The following RASA3 variants were observed in gnomAD, a reference collection of about 807,000 sequenced individuals.
The protein encoded by RASA3 is RAS p21 protein activator 3.
In RASA3, 73 loss-of-function variants were observed where a neutral mutation model predicts 110.0. The ratio of observed to expected loss-of-function variants is 0.66; its 90% CI spans 0.55 to 0.81. The LOEUF (loss-of-function observed/expected upper bound fraction) is 0.81, where lower values mean the gene tolerates loss of function less well. RASA3 is among the 30% of genes least tolerant of loss of function. The pLI is 0.00. For synonymous variants in RASA3, 500 were observed against 451.4 expected (o/e 1.11, Z -1.37); for missense variants, 976 against 1,113.2 (o/e 0.88, Z 1.75).
At chr13:114,132,396 G>C in intron 1 of RASA3, 39 bp downstream of exon 1, 1 of 1,486,260 alleles carries the variant, frequency 6.7e-7, no homozygotes, top group East Asian at 2.9e-5. Flanking sequence ...ACAGGGTCGG[G>C]CCGGGGGGTC....
chr13:114,078,475 C>T (rs2079729049), intron 1 of RASA3, among the ~76,000 whole-genome samples: 1 of 152,220 alleles, frequency 6.6e-6, no homozygotes, highest in Non-Finnish European at 1.5e-5. Context: ...AAATAAGTAA[C>T]AGTTCTCATG....
At chr13:114,003,020 GA>G (rs988385619) in intron 18 of RASA3, among the ~76,000 whole-genome samples, 1 of 152,224 alleles carries the variant, frequency 6.6e-6, no homozygotes, top group Admixed American at 6.5e-5. Flanking sequence ...GAGCCCTCAG[GA>G]AACATGGTCA....
chr13:114,058,633 C>T (rs534926676), intron 2 of RASA3, among the ~76,000 whole-genome samples: 63 of 152,370 alleles, frequency 4.1e-4, no homozygotes, highest in Non-Finnish European at 8.7e-4. Flanking sequence ...AGCAACCATG[C>T]CCGTCCTCGC....
chr13:114,023,520 C>A (rs1287477726), intron 8 of RASA3, among the ~76,000 whole-genome samples: 2 of 152,226 alleles, frequency 1.3e-5, no homozygotes, highest in East Asian at 1.9e-4. Context: ...AGGCTACGTT[C>A]AAAAATAAAC....
intron 14 of RASA3, among the ~76,000 whole-genome samples, chr13:114,013,802 ATC>A (rs1294583069): frequency 7.8e-5 from 3 of 38,280 alleles, no homozygotes; most frequent in East Asian, 7.4e-4. Flanking sequence ...CCCTAACTCC[ATC>A]TCTCTCTCCC....
At chr13:114,123,806 G>A (rs1043980377) in intron 1 of RASA3, among the ~76,000 whole-genome samples, 9 of 152,320 alleles carry the variant, frequency 5.9e-5, no homozygotes, top group East Asian at 1.9e-4. Flanking sequence ...CTGTCTGGTC[G>A]GTGGTCAGAA....
chr13:114,070,438 G>C (rs569793368), intron 2 of RASA3, among the ~76,000 whole-genome samples: 2 of 152,110 alleles, frequency 1.3e-5, no homozygotes, highest in Admixed American at 1.3e-4. Flanking sequence ...CAGATGTAGC[G>C]TGGATTCCAG....
chr13:114,123,747 C>T (rs2139795484), intron 1 of RASA3, among the ~76,000 whole-genome samples: 1 of 152,300 alleles, frequency 6.6e-6, no homozygotes, highest in Middle Eastern at 3.4e-3. Context: ...ACGGGGTGGG[C>T]CATGCGGGGC....
At chr13:114,121,908 T>C (rs2080382939) in intron 1 of RASA3, among the ~76,000 whole-genome samples, 1 of 152,220 alleles carries the variant, frequency 6.6e-6, no homozygotes, top group African/African-American at 2.4e-5. Flanking sequence ...CTAGCAGGTT[T>C]GTGGGCCGAG....
chr13:114,003,568 C>T (rs1431248877), intron 18 of RASA3, among the ~76,000 whole-genome samples: 2 of 152,184 alleles, frequency 1.3e-5, no homozygotes, highest in Non-Finnish European at 1.5e-5. Context: ...GACTAACTTC[C>T]TTCAAGCCTC....
At position 113,980,151 on chromosome 13, in the gene RASA3, G is replaced by A. The variant is rs578104993; in HGVS notation, c.2430-729C>T. On this transcript the variant is annotated intron_variant, in intron 23 of 23. Coordinates refer to ENST00000334062, the MANE Select transcript of RASA3 (RefSeq NM_007368.4). Reference sequence around the variant, plus strand: ...TCTGTGTGTACCTCCTGCCACGTGTGTGCACACCTCCTCCCACGTGTGTGC... The same window carrying A: ...TCTGTGTGTACCTCCTGCCACGTGTATGCACACCTCCTCCCACGTGTGTGC... Among the ~76,000 whole-genome samples, 4 of 133,660 alleles carry A rather than the reference G, an allele frequency of 3.0e-5. No individual in the cohort carries two copies. The South Asian group carries it at 9.7e-4, about 32-fold the overall frequency. 87.7% of individuals were successfully genotyped at this position (133,660 alleles called of 152,430 possible). A position where few individuals can be genotyped will look rare whatever the true frequency, so the allele number is the denominator to read the frequency against.
In RASA3 at chr13:113,995,474, C is replaced by T. The variant is rs1035639835; in HGVS notation, c.2141+1057G>A. ...GCAGGGCCCTTATGCGAAAGCATCA[C>T]GTGGCCACAACAACAGCGAGGTGCA... On this transcript the variant is annotated intron_variant, in intron 21 of 23. Coordinates refer to ENST00000334062, the MANE Select transcript of RASA3 (RefSeq NM_007368.4). 2.2e-4 allele frequency among the ~76,000 whole-genome samples: 33 copies of T among 152,382 alleles called. No individual in the cohort carries two copies. In the East Asian group the frequency reaches 2.3e-3, roughly 11 times the overall value.
intron 22 of RASA3, among the ~76,000 whole-genome samples, chr13:113,991,016 C>T (rs80313914): frequency 0.53 from 40,623 of 76,576 alleles, 10,028 homozygotes; most frequent in African/African-American, 0.71. Context: ...GGCTGGAGAT[C>T]AGGCGTGGCC....
intron 2 of RASA3, among the ~76,000 whole-genome samples, chr13:114,068,621 G>T (rs2079498148): frequency 6.6e-6 from 1 of 152,208 alleles, no homozygotes; most frequent in African/African-American, 2.4e-5. Flanking sequence ...CGGCCCAGGG[G>T]AGGTCCAGGG....
chr13:113,992,038 CAT>C (rs565126008), intron 22 of RASA3, among the ~76,000 whole-genome samples: 7 of 150,914 alleles, frequency 4.6e-5, no homozygotes, highest in South Asian at 4.2e-4. Flanking sequence ...CACACTCATA[CAT>C]GTCATGTCCA....
intron 4 of RASA3, among the ~76,000 whole-genome samples, chr13:114,033,331 G>A (rs150091569): frequency 0.076 from 4,043 of 52,954 alleles, 381 homozygotes; most frequent in Middle Eastern, 0.12. Context: ...CACGTTCCAC[G>A]GCACCCCCAC....
At chr13:113,982,836 T>C (rs1176453176) in intron 22 of RASA3, among the ~76,000 whole-genome samples, 1 of 152,142 alleles carries the variant, frequency 6.6e-6, no homozygotes, top group Non-Finnish European at 1.5e-5. Flanking sequence ...CTTCCACATG[T>C]GAGGACACAA....
chr13:114,053,552 G>A (rs984609780), intron 2 of RASA3, among the ~76,000 whole-genome samples: 17 of 152,362 alleles, frequency 1.1e-4, no homozygotes, highest in South Asian at 2.1e-4. Flanking sequence ...GAAGGTCAAC[G>A]TGCTGGGCCA....
At chr13:114,089,588 G>A (rs577512945) in intron 1 of RASA3, among the ~76,000 whole-genome samples, 1 of 152,182 alleles carries the variant, frequency 6.6e-6, no homozygotes, top group African/African-American at 2.4e-5. Flanking sequence ...GCAGGCCTGG[G>A]CCAGCCCTGC....
Sources: gnomAD v4.1 joint callset for allele counts (sites outside exome capture counted in the v4.1 genomes callset) on GRCh38, gnomAD v4.1.1 for gene constraint, MANE v1.5 for transcripts, NCBI Gene and HGNC (gene_info 2026-07-23, HGNC 2026-07-21) for gene names.